The following FBN3 variants were observed in gnomAD, a reference collection of about 807,000 sequenced individuals.
FBN3 encodes fibrillin 3, also known as fibrillin-3.
Under a neutral mutation model 330.1 loss-of-function variants are expected in FBN3, and 234 were observed. The observed-to-expected ratio is 0.71, with a 90% CI of 0.64 to 0.79. The LOEUF is 0.79. FBN3 is among the 30% of genes least tolerant of loss of function. FBN3 has a pLI of 0.00. For missense variants in FBN3, 3,606 were observed against 3,886.9 expected, an observed-to-expected ratio of 0.93 and a Z score of 1.92; for synonymous variants, 1,458 against 1,517.3, an observed-to-expected ratio of 0.96 and a Z score of 0.91.
At chr19:8,071,928 G>T in intron 63 of FBN3, 120 bp downstream of exon 63, 2 of 1,009,466 alleles carry the variant, frequency 2.0e-6, no homozygotes, top group Non-Finnish European at 1.4e-6. Context: ...GGAACCTGTT[G>T]GGATCTGGAG....
rs140386843 is a variant in FBN3 at position 8,112,069 on chromosome 19, T to C, written c.3869A>G (p.Asn1290Ser). 7.3e-5 allele frequency: 117 copies of C among 1,612,642 alleles called. No individual in the cohort carries two copies. The Middle Eastern group carries it at 3.0e-3, about 41-fold the overall frequency. The change falls in exon 31 of 64, where the codon AAC becomes AGC. Residue 1290 changes from asparagine (N) to serine (S), a missense_variant. Asn to Ser is a conservative substitution (Grantham distance 46). Transcript: ENST00000600128. ...DVDECEVGGHNCDSHASCLNI... is the reference protein window; with the variant it reads ...DVDECEVGGHSCDSHASCLNI... ...GAGACAGGAGGCGTGACTGTCACAG[T>C]TGTGTCCTCCAACCTCGCATTCATC... is the stretch of plus-strand genomic sequence containing the variant.
chr19:8,102,831 C>T lies in FBN3; in HGVS notation c.4982G>A (p.Cys1661Tyr). 2 of 1,614,134 alleles carry T rather than the reference C, an allele frequency of 1.2e-6. No individual in the cohort carries two copies. Among genetic ancestry groups the T allele is most frequent in the Non-Finnish European group, 1.7e-6 (2 of 1,180,024 alleles). Residue 1661 changes from cysteine to tyrosine, a missense_variant, in exon 40 of 64, where the codon TGT (cysteine) becomes TAT (tyrosine). Physicochemically the swap from Cys to Tyr is radical, Grantham distance 194 (BLOSUM62 -2). Coordinates refer to ENST00000600128, the MANE Select transcript of FBN3 (RefSeq NM_032447.5). ...CACGTTGAAGGCCAGCTCATTTTGA[C>T]ATGTGCCGTTATAGTGCCGGAAGCA... ...SVCFRHYNGT[C>Y]QNELAFNVTR...
Position 8,095,354 on chromosome 19 carries a change from G to A in FBN3, c.5785+21C>T, listed in dbSNP as rs768198014. On this transcript the variant is annotated intron_variant, in intron 46 of 63. Transcript: ENST00000600128. The stretch of plus-strand genomic sequence containing the variant: ...AGCAGGGGCTGGCTGAGATGCCTCC[G>A]AGCACCATAGGCAGACTCACCCACA... The A allele has an allele frequency of 3.7e-5, 59 of 1,607,914 alleles. 2 individuals carry two copies. In the South Asian group the frequency reaches 4.5e-4, roughly 12 times the overall value.
intron 61 of FBN3, chr19:8,074,652 GC>G (rs1360208106): frequency 6.3e-6 from 1 of 158,576 alleles, no homozygotes; most frequent in Non-Finnish European, 1.4e-5. Context: ...CAGAAGGCTA[GC>G]CCCCCAAATG....
intron 6 of FBN3, among the ~76,000 whole-genome samples, chr19:8,143,468 G>C (rs1016009165): frequency 1.3e-5 from 2 of 149,828 alleles, no homozygotes; most frequent in African/African-American, 2.5e-5. Flanking sequence ...AGACATCACT[G>C]TGTCCGTTCT....
At position 8,132,229 on chromosome 19, in the gene FBN3, A is replaced by G. The variant is rs534309729; in HGVS notation, c.1715-400T>C. ...TTCGGCTAATTTTTAAAAATTTTTT[A>G]TAGAGACGGAGTCTCATCATGTTGC... is the stretch of plus-strand genomic sequence containing the variant. On this transcript the variant is annotated intron_variant, in intron 14 of 63. Transcript: ENST00000600128. 3.9e-5 allele frequency among the ~76,000 whole-genome samples: 6 copies of G among 152,122 alleles called. No homozygotes were observed. The East Asian group carries it at 1.2e-3, about 29-fold the overall frequency.
At chr19:8,130,870 G>A (rs1455125439) in intron 16 of FBN3, among the ~76,000 whole-genome samples, 1 of 151,116 alleles carries the variant, frequency 6.6e-6, no homozygotes, top group Non-Finnish European at 1.5e-5. Flanking sequence ...AAAGGGTGGG[G>A]GGAGTTTTGG....
chr19:8,136,065 C>T lies in FBN3; in HGVS notation c.1487G>A (p.Ser496Asn), dbSNP rs2083272258. ...GCGGCCCAGGTGACAAAGGCCACCA[C>T]TGACAATGCACTCGTCCACATCTGC... ...ACVDVDECIVSGGLCHLGRCV... is the reference protein window; with the variant it reads ...ACVDVDECIVNGGLCHLGRCV... Residue 496 changes from serine to asparagine, a missense_variant, in exon 13 of 64, where the codon AGT becomes AAT. By Grantham distance (46) the Ser-to-Asn change is conservative (BLOSUM62 1). Transcript: ENST00000600128. The T allele has an allele frequency of 1.9e-6, 3 of 1,614,000 alleles. No individual in the cohort carries two copies. The highest frequency in any genetic ancestry group is 2.5e-6 in the Non-Finnish European group (3 of 1,179,968).
chr19:8,080,515 G>C (rs2144615794), intron 59 of FBN3, among the ~76,000 whole-genome samples: 1 of 152,322 alleles, frequency 6.6e-6, no homozygotes, highest in South Asian at 2.1e-4. Flanking sequence ...CCTCCCAAAG[G>C]AGAGGAAGGA....
intron 38 of FBN3, 43 bp downstream of exon 38, chr19:8,106,065 G>A (rs751626908): frequency 1.2e-6 from 2 of 1,609,198 alleles, no homozygotes; most frequent in Non-Finnish European, 1.7e-6. Context: ...GGCAGGGAGA[G>A]AGCGGAAGAG....
Position 8,089,620 on chromosome 19 carries a change from C to A in FBN3, c.6301G>T (p.Val2101Phe). The A allele has an allele frequency of 6.2e-7, 1 of 1,614,212 alleles. No homozygotes were observed. Among genetic ancestry groups the A allele is most frequent in the African/African-American group, 1.3e-5 (1 of 75,056 alleles). Residue 2101 changes from valine to phenylalanine, a missense_variant, in exon 51 of 64, where the codon GTC becomes TTC. Coordinates refer to ENST00000600128, the MANE Select transcript of FBN3 (RefSeq NM_032447.5). ...NPGVCTNGVC[V>F]NTDGSFRCEC... ...CAGCGGAAGGATCCATCGGTGTTGA[C>A]ACAGACGCCGTTAGTGCAGACGCCA...
Position 8,088,061 on chromosome 19 carries a change from C to T in FBN3, c.6495G>A (p.Glu2165=). 1 of 1,614,130 alleles carries T rather than the reference C, an allele frequency of 6.2e-7. No individual in the cohort carries two copies. The highest frequency in any genetic ancestry group is 1.1e-5 in the South Asian group (1 of 91,084). ...GFEPGLMMTC[E]DIDECSLNPL... The stretch of plus-strand genomic sequence containing the variant: ...GGTCCTGGGCAAGCAGAGTTGTACC[C>T]TCGCAGGTCATCATGAGGCCAGGCT... Residue 2165 remains glutamate, a splice_region_variant and synonymous_variant, in exon 52 of 64, where the codon GAG becomes GAA. Transcript: ENST00000600128.
At chr19:8,112,493 A>G (rs962139476) in intron 30 of FBN3, among the ~76,000 whole-genome samples, 3 of 151,628 alleles carry the variant, frequency 2.0e-5, no homozygotes, top group Non-Finnish European at 4.4e-5. Flanking sequence ...AAAAATACAA[A>G]AAAAAAATTA....
chr19:8,134,551 T>A (rs938576525), intron 13 of FBN3, among the ~76,000 whole-genome samples: 38 of 152,160 alleles, frequency 2.5e-4, no homozygotes, highest in African/African-American at 9.2e-4. Context: ...TGTGGTTGTC[T>A]GTGGCTGTGT....
intron 30 of FBN3, among the ~76,000 whole-genome samples, chr19:8,114,395 G>A (rs565301885): frequency 1.1e-4 from 16 of 152,026 alleles, no homozygotes; most frequent in African/African-American, 3.4e-4. Flanking sequence ...GATTACAGGC[G>A]TGCGCCACCA....
chr19:8,112,790 A>G (rs2082620990), intron 30 of FBN3, among the ~76,000 whole-genome samples: 1 of 152,176 alleles, frequency 6.6e-6, no homozygotes. Flanking sequence ...GCCATGTTAA[A>G]CCTTGGTGAG....
chr19:8,128,960 AC>A (rs761793731), intron 18 of FBN3, 67 bp downstream of exon 18: 293 of 1,548,516 alleles, frequency 1.9e-4, no homozygotes, highest in South Asian at 3.2e-4. Flanking sequence ...GTGCGTGCAC[AC>A]GCCACATGCC....
chr19:8,070,724 G>C (rs1462352275), intron 63 of FBN3, among the ~76,000 whole-genome samples: 1 of 152,146 alleles, frequency 6.6e-6, no homozygotes, highest in South Asian at 2.1e-4. Context: ...GTAAAATAGG[G>C]ATAATAGTGG....
chr19:8,098,949 C>T (rs1198384352), intron 41 of FBN3, among the ~76,000 whole-genome samples: 3 of 152,102 alleles, frequency 2.0e-5, no homozygotes, highest in African/African-American at 7.2e-5. Flanking sequence ...ACTGGGGGAC[C>T]TGGGATGTAT....
Sources: allele counts gnomAD v4.1 joint callset (sites outside exome capture counted in the v4.1 genomes callset), GRCh38; gene constraint gnomAD v4.1.1; transcripts MANE v1.5; gene names NCBI Gene and HGNC (gene_info 2026-07-23, HGNC 2026-07-21).